Variants in ATE1 observed in about 807,000 individuals in gnomAD.
ATE1 encodes the protein arginyltransferase 1.
A neutral mutation model predicts 70.5 loss-of-function variants in ATE1; 36 were observed. The observed-to-expected ratio is 0.51, with a 90% confidence interval of 0.39 to 0.67. ATE1 has a LOEUF of 0.67. ATE1 is among the 30% of genes least tolerant of loss of function. The pLI is 0.00. For synonymous variants in ATE1, 232 were observed against 219.3 expected, an observed-to-expected ratio of 1.06 and a Z score of -0.51; for missense variants, 593 against 629.5, an observed-to-expected ratio of 0.94 and a Z score of 0.62.
chr10:121,907,991 G>A (rs1274956701), intron 5 of ATE1, among the ~76,000 whole-genome samples: 1 of 151,962 alleles, frequency 6.6e-6, no homozygotes, highest in Non-Finnish European at 1.5e-5. Context: ...GATGCTCCAG[G>A]AGCATAATAT....
At chr10:121,767,420 G>T (rs995721085) in intron 11 of ATE1, among the ~76,000 whole-genome samples, 3 of 152,012 alleles carry the variant, frequency 2.0e-5, no homozygotes, top group Non-Finnish European at 4.4e-5. Context: ...AAACTAAAAG[G>T]CAGACAGACT....
intron 8 of ATE1, among the ~76,000 whole-genome samples, chr10:121,856,068 C>T (rs1476866247): frequency 2.0e-5 from 2 of 101,150 alleles, no homozygotes; most frequent in Non-Finnish European, 3.8e-5. Flanking sequence ...ATGAGCAAAA[C>T]TATATCTCAA....
At chr10:121,895,254 T>A (rs541968776) in intron 7 of ATE1, among the ~76,000 whole-genome samples, 12 of 152,066 alleles carry the variant, frequency 7.9e-5, no homozygotes, top group Non-Finnish European at 1.2e-4. Context: ...AAAATACACA[T>A]CCACATAAAA....
intron 10 of ATE1, among the ~76,000 whole-genome samples, chr10:121,795,256 T>C (rs1267968173): frequency 6.6e-6 from 1 of 151,826 alleles, no homozygotes; most frequent in Non-Finnish European, 1.5e-5. Flanking sequence ...TCAAAAAAAA[T>C]AAAAATAAAA....
At chr10:121,818,540 C>G (rs932958436) in intron 10 of ATE1, among the ~76,000 whole-genome samples, 1 of 152,062 alleles carries the variant, frequency 6.6e-6, no homozygotes, top group African/African-American at 2.4e-5. Context: ...AAGAGCAGGC[C>G]GCATATGCTT....
At chr10:121,913,025 G>A (rs1195529492) in intron 4 of ATE1, among the ~76,000 whole-genome samples, 1 of 152,030 alleles carries the variant, frequency 6.6e-6, no homozygotes, top group African/African-American at 2.4e-5. Flanking sequence ...GACTACAGGC[G>A]CCTGCCACCA....
chr10:121,841,655 G>A (rs1948633445), intron 8 of ATE1, among the ~76,000 whole-genome samples: 1 of 152,130 alleles, frequency 6.6e-6, no homozygotes, highest in Admixed American at 6.5e-5. Flanking sequence ...TCTAAGTGAA[G>A]TCACCCAGGA....
intron 7 of ATE1, among the ~76,000 whole-genome samples, chr10:121,873,138 C>T (rs934225192): frequency 6.6e-6 from 1 of 152,096 alleles, no homozygotes; most frequent in African/African-American, 2.4e-5. Flanking sequence ...GCTTTTTAAA[C>T]TTAACAGCTA....
At chr10:121,872,139 T>G (rs1234361569) in intron 7 of ATE1, among the ~76,000 whole-genome samples, 1 of 150,356 alleles carries the variant, frequency 6.7e-6, no homozygotes, top group East Asian at 2.0e-4. Flanking sequence ...CTTTTGAATT[T>G]ATAAGCAAGT....
chr10:121,797,791 G>A (rs1419841791), intron 10 of ATE1, among the ~76,000 whole-genome samples: 1 of 152,042 alleles, frequency 6.6e-6, no homozygotes, highest in African/African-American at 2.4e-5. Flanking sequence ...CTCTCTTCTG[G>A]TCACAGCTAC....
chr10:121,801,233 G>C (rs903676924), intron 10 of ATE1, among the ~76,000 whole-genome samples: 3 of 152,162 alleles, frequency 2.0e-5, no homozygotes, highest in Non-Finnish European at 2.9e-5. Context: ...ACGGTATTCT[G>C]TATTTCTTTA....
At chr10:121,784,858 C>CA (rs1450290785) in intron 11 of ATE1, among the ~76,000 whole-genome samples, 13 of 150,288 alleles carry the variant, frequency 8.7e-5, no homozygotes, top group East Asian at 1.9e-4. Context: ...GACTCCATCA[C>CA]AAAAAAAGAA....
At chr10:121,884,054 C>A (rs535261665) in intron 7 of ATE1, among the ~76,000 whole-genome samples, 9 of 123,754 alleles carry the variant, frequency 7.3e-5, no homozygotes, top group African/African-American at 5.9e-5. Flanking sequence ...TGCAGTGAGC[C>A]GAGATGGCAC....
chr10:121,927,503 C>CG, intron 1 of ATE1: 1 of 985,392 alleles, frequency 1.0e-6, no homozygotes, highest in Non-Finnish European at 1.2e-6. Context: ...CAGCACCCAC[C>CG]GGTCAGCCCC....
At chr10:121,864,956 G>T (rs1373183792) in intron 8 of ATE1, among the ~76,000 whole-genome samples, 1 of 152,146 alleles carries the variant, frequency 6.6e-6, no homozygotes, top group Non-Finnish European at 1.5e-5. Flanking sequence ...CATGCTGATA[G>T]TACCAAGGTT....
At chr10:121,914,158 T>G (rs1951551319) in intron 3 of ATE1, among the ~76,000 whole-genome samples, 1 of 151,986 alleles carries the variant, frequency 6.6e-6, no homozygotes. Flanking sequence ...CCTCTGCCAC[T>G]CAGGTTCAAG....
chr10:121,833,620 TG>T (rs34989605), intron 10 of ATE1, among the ~76,000 whole-genome samples: 1 of 146,818 alleles, frequency 6.8e-6, no homozygotes, highest in Non-Finnish European at 1.5e-5. Context: ...TTTGCAAGCT[TG>T]GGGGAGGGGC....
At chr10:121,746,508 G>C (rs1380506876) in intron 11 of ATE1, among the ~76,000 whole-genome samples, 1 of 152,108 alleles carries the variant, frequency 6.6e-6, no homozygotes, top group African/African-American at 2.4e-5. Context: ...TGAATTTCCT[G>C]AAAATAAAAA....
chr10:121,927,001 T>G, intron 1 of ATE1: 6 of 985,460 alleles, frequency 6.1e-6, no homozygotes, highest in Non-Finnish European at 7.2e-6. Context: ...TACACCTTTT[T>G]CATGGAAAAT....
Sources: allele counts gnomAD v4.1 joint callset (sites outside exome capture counted in the v4.1 genomes callset), GRCh38; gene constraint gnomAD v4.1.1; transcripts MANE v1.5; gene names NCBI Gene and HGNC (gene_info 2026-07-23, HGNC 2026-07-21).